CFAP97D1: variants seen among roughly 807,000 people sequenced by gnomAD.
CFAP97D1 encodes sperm axonemal maintenance protein CFAP97D1.
A neutral mutation model predicts 20.5 loss-of-function variants in CFAP97D1; 15 were observed. That is an observed-to-expected ratio of 0.73 (90% CI 0.49 to 1.13). The LOEUF is 1.13. Ranked by LOEUF, CFAP97D1 falls within the 50% of genes most tolerant of loss-of-function variation. The probability of loss-of-function intolerance (pLI) is 0.00; values close to 1 mark genes in which losing one functional copy is unlikely to be tolerated. For missense variants in CFAP97D1, 168 were observed against 202.9 expected (o/e 0.83, Z 1.04); for synonymous variants, 58 against 71.2 (o/e 0.82, Z 0.93).
chr17:43,780,691 T>C, intron 1 of CFAP97D1, 105 bp downstream of exon 1: 13 of 1,263,222 alleles, frequency 1.0e-5, no homozygotes, highest in Non-Finnish European at 1.2e-5. Context: ...TGGGATGATA[T>C]GGCCTTATCT....
rs954396617 is a variant in CFAP97D1 at position 43,786,629 on chromosome 17, G to A, written c.*2247G>A. ...TGTATAGCTTTGTGTAACCACATTC[G>A]AGATACTTAAAACCACTATTATCAA... On this transcript the variant is annotated 3_prime_UTR_variant, in exon 6 of 6. Coordinates refer to ENST00000449302, the MANE Select transcript of CFAP97D1 (RefSeq NM_001136483.3). 6.7e-6 allele frequency: 1 copy of A among 149,344 alleles called. No individual in the cohort carries two copies. The highest frequency in any genetic ancestry group is 1.5e-5 in the Non-Finnish European group (1 of 67,994). The allele number at this position is 149,344 out of a possible 1,614,324, so 9.3% of individuals were successfully genotyped here.
rs567974747 is a variant in CFAP97D1, at chr17:43,783,902, C to G, written c.*9C>G. The G allele has an allele frequency of 6.5e-7, 1 of 1,543,304 alleles. No homozygotes were observed. Among genetic ancestry groups the G allele is most frequent in the African/African-American group, 1.4e-5 (1 of 72,838 alleles). ...TCTCCCAAAATGAATAGGTATGTCT[C>G]TCTTACTATCAAACACTGTGACCAC... On this transcript the variant is annotated intron_variant, in intron 5 of 5. Coordinates refer to ENST00000449302, the MANE Select transcript of CFAP97D1 (RefSeq NM_001136483.3).
At position 43,780,506 on chromosome 17, in the gene CFAP97D1, C is replaced by A. The variant is rs1443792815; in HGVS notation, c.44C>A (p.Ser15Tyr). Residue 15 changes from serine to tyrosine, a missense_variant, in exon 1 of 6, where the codon TCT becomes TAT. Coordinates refer to ENST00000449302, the MANE Select transcript of CFAP97D1 (RefSeq NM_001136483.3). ...TATCTGGCCTACCCTGTTATCGTCT[C>A]TAATCACAGGCAAAGCACAACCTTC... ...LDYLAYPVIVSNHRQSTTFRK... is the reference protein window; with the variant it reads ...LDYLAYPVIVYNHRQSTTFRK... The A allele has an allele frequency of 1.9e-6, 3 of 1,551,524 alleles. No homozygotes were observed. Among genetic ancestry groups the A allele is most frequent in the Non-Finnish European group, 2.6e-6 (3 of 1,146,934 alleles).
At chr17:43,781,065 C>T (rs752482010) in intron 1 of CFAP97D1, 54 bp from the exon 2 acceptor site, 46 of 1,374,090 alleles carry the variant, frequency 3.3e-5, no homozygotes, top group South Asian at 1.0e-4. Flanking sequence ...TTTCTGAGGC[C>T]GCTACTGGAA....
Position 43,787,455 on chromosome 17 carries a change from T to A in CFAP97D1, c.*3073T>A, listed in dbSNP as rs2044300026. On this transcript the variant is annotated 3_prime_UTR_variant, in exon 6 of 6. Transcript: ENST00000449302. ...ATATCAATGATGAAACTGTTCTATA[T>A]CTTGACTCTATCAATGTCAATATCC... is the stretch of plus-strand genomic sequence containing the variant. The A allele has an allele frequency of 1.3e-5, 2 of 152,250 alleles. No homozygotes were observed. The highest frequency in any genetic ancestry group is 1.3e-4 in the Admixed American group (2 of 15,288). The allele number at this position is 152,250 out of a possible 1,614,324, so 9.4% of individuals were successfully genotyped here.
In CFAP97D1 at chr17:43,783,291, G is replaced by A; in HGVS notation, c.426G>A (p.Glu142=). The A allele has an allele frequency of 6.4e-7, 1 of 1,551,314 alleles. No homozygotes were observed. Among genetic ancestry groups the A allele is most frequent in the Non-Finnish European group, 8.7e-7 (1 of 1,146,818 alleles). Residue 142 remains glutamate, a synonymous_variant, in exon 4 of 6, where the codon GAG becomes GAA. Coordinates refer to ENST00000449302, the MANE Select transcript of CFAP97D1 (RefSeq NM_001136483.3). ...RKPHYDRRAS[E]IDWQNSRRYI... ...CCCACTATGACCGCAGGGCATCTGA[G>A]ATAGACTGGCAGGCACGTGGGCACT...
Position 43,783,280 on chromosome 17 carries a change from A to C in CFAP97D1, c.415A>C (p.Arg139=), listed in dbSNP as rs1974493888. The change falls in exon 4 of 6, where the codon AGG becomes CGG. Residue 139 remains arginine, a synonymous_variant. Coordinates refer to ENST00000449302, the MANE Select transcript of CFAP97D1 (RefSeq NM_001136483.3). ...TGATCGCAAACCCCACTATGACCGC[A>C]GGGCATCTGAGATAGACTGGCAGGC... The part of the protein sequence containing the change: ...LVDRKPHYDR[R]ASEIDWQNSR... The C allele has an allele frequency of 1.3e-6, 2 of 1,551,262 alleles. No individual in the cohort carries two copies. Among genetic ancestry groups the C allele is most frequent in the Admixed American group, 2.0e-5 (1 of 50,976 alleles).
At chr17:43,781,557 C>T (rs2154590783) in intron 2 of CFAP97D1, among the ~76,000 whole-genome samples, 1 of 152,262 alleles carries the variant, frequency 6.6e-6, no homozygotes, top group African/African-American at 2.4e-5. Flanking sequence ...GTCTTAGTCT[C>T]ATTACCTCCC....
intron 2 of CFAP97D1, 31 bp from the exon 3 acceptor site, chr17:43,781,743 G>A: frequency 7.4e-7 from 1 of 1,358,162 alleles, no homozygotes. Context: ...CACTGATGGT[G>A]TCACCATGGT....
chr17:43,781,235 C>T (rs1013024966), intron 2 of CFAP97D1, 46 bp downstream of exon 2: 29 of 1,451,168 alleles, frequency 2.0e-5, no homozygotes, highest in Non-Finnish European at 2.6e-5. Flanking sequence ...ATTTTATTGA[C>T]TTCCAGTCTG....
At chr17:43,781,347 T>A (rs1361142788) in intron 2 of CFAP97D1, among the ~76,000 whole-genome samples, 158 bp downstream of exon 2, 2 of 148,304 alleles carry the variant, frequency 1.3e-5, no homozygotes, top group Non-Finnish European at 3.0e-5. Context: ...GTCGTTTTTT[T>A]CCCCCCTGAT....
intron 3 of CFAP97D1, 62 bp from the exon 4 acceptor site, chr17:43,783,118 T>G: frequency 6.5e-7 from 1 of 1,547,156 alleles, no homozygotes; most frequent in East Asian, 2.4e-5. Context: ...TGACTTCATC[T>G]CCCCCACTCG....
At chr17:43,781,734 A>C (rs759624393) in intron 2 of CFAP97D1, 40 bp from the exon 3 acceptor site, 13 of 1,291,196 alleles carry the variant, frequency 1.0e-5, no homozygotes, top group Non-Finnish European at 1.3e-5. Context: ...GGGGCAGTGC[A>C]CTGATGGTGT....
intron 3 of CFAP97D1, 153 bp from the exon 4 acceptor site, chr17:43,783,027 C>T: frequency 1.2e-6 from 1 of 862,880 alleles, no homozygotes; most frequent in Non-Finnish European, 1.8e-6. Context: ...CAGTGCAGAC[C>T]AACAGGCTGT....
intron 2 of CFAP97D1, 135 bp downstream of exon 2, chr17:43,781,324 C>A: frequency 2.8e-6 from 2 of 717,706 alleles, no homozygotes. Context: ...CTCCTCCCCA[C>A]GCGTCACCCC....
At chr17:43,781,076 T>C in intron 1 of CFAP97D1, 43 bp from the exon 2 acceptor site, 4 of 1,457,164 alleles carry the variant, frequency 2.7e-6, no homozygotes, top group Non-Finnish European at 9.4e-7. Context: ...GCTACTGGAA[T>C]TCCTGTGATG....
At position 43,780,528 on chromosome 17, in the gene CFAP97D1, C is replaced by T. The variant is rs1411817132; in HGVS notation, c.66C>T (p.Thr22=). Residue 22 remains threonine (T), a synonymous_variant, in exon 1 of 6, where the codon ACC becomes ACT. Coordinates refer to ENST00000449302, the MANE Select transcript of CFAP97D1 (RefSeq NM_001136483.3). ...VIVSNHRQST[T]FRKKLDFGHY... ...TCTCTAATCACAGGCAAAGCACAAC[C>T]TTCAGAAAGAAACTGGACTTTGGCC... 1 of 1,551,666 alleles carries T rather than the reference C, an allele frequency of 6.4e-7. No homozygotes were observed. The highest frequency in any genetic ancestry group is 8.7e-7 in the Non-Finnish European group (1 of 1,146,950).
In CFAP97D1 at chr17:43,780,516, G is replaced by A. The variant is rs752896043; in HGVS notation, c.54G>A (p.Arg18=). 6.1e-5 allele frequency: 95 copies of A among 1,551,524 alleles called. 2 individuals carry two copies. The South Asian group carries it at 7.0e-4, about 11-fold the overall frequency. Residue 18 remains arginine, a synonymous_variant, in exon 1 of 6, where the codon AGG becomes AGA. Coordinates refer to ENST00000449302, the MANE Select transcript of CFAP97D1 (RefSeq NM_001136483.3). The part of the protein sequence containing the change: ...LAYPVIVSNH[R]QSTTFRKKLD... Reference sequence around the variant, plus strand: ...ACCCTGTTATCGTCTCTAATCACAGGCAAAGCACAACCTTCAGAAAGAAAC... The same window carrying A: ...ACCCTGTTATCGTCTCTAATCACAGACAAAGCACAACCTTCAGAAAGAAAC...
rs1353552178 is a variant in CFAP97D1 at position 43,785,956 on chromosome 17, T to A, written c.*1574T>A. 6.6e-6 allele frequency: 1 copy of A among 152,158 alleles called. No individual in the cohort carries two copies. The highest frequency in any genetic ancestry group is 1.5e-5 in the Non-Finnish European group (1 of 68,088). The allele number at this position is 152,158 out of a possible 1,614,324, so 9.4% of individuals were successfully genotyped here. ...CCACCTCACTGGGATGCTGGTAGCA[T>A]GGCTTGGTCCAAGCCCAAAAACCTC... On this transcript the variant is annotated 3_prime_UTR_variant, in exon 6 of 6. Transcript: ENST00000449302.
Sources: allele counts gnomAD v4.1 joint callset (sites outside exome capture counted in the v4.1 genomes callset), GRCh38; gene constraint gnomAD v4.1.1; transcripts MANE v1.5; gene names NCBI Gene and HGNC (gene_info 2026-07-23, HGNC 2026-07-21).